OSBPL6: variants seen among roughly 807,000 people sequenced by gnomAD.
OSBPL6 encodes the protein oxysterol binding protein like 6.
OSBPL6 carries 49 observed loss-of-function variants against 125.8 expected under a neutral mutation model. That is an observed-to-expected ratio of 0.39 (90% CI 0.31 to 0.49). The LOEUF is 0.49. OSBPL6 is among the 20% of genes least tolerant of loss of function. OSBPL6 has a pLI of 0.88. For synonymous variants in OSBPL6, 394 were observed against 391.8 expected (o/e 1.01, Z -0.07); for missense variants, 986 against 1,135.4 (o/e 0.87, Z 1.89).
chr2:178,376,843 A>G (rs1443349271), intron 15 of OSBPL6, among the ~76,000 whole-genome samples: 1 of 152,120 alleles, frequency 6.6e-6, no homozygotes, highest in Non-Finnish European at 1.5e-5. Flanking sequence ...CTCACACTGG[A>G]AAGAGCTGAA....
intron 1 of OSBPL6, among the ~76,000 whole-genome samples, chr2:178,239,746 C>T (rs1315605019): frequency 6.6e-6 from 1 of 151,606 alleles, no homozygotes. Context: ...CTGCCTCAGC[C>T]TCCCGAGTAG....
intron 14 of OSBPL6, 128 bp from the exon 15 acceptor site, chr2:178,373,762 G>T (rs1693621853): frequency 8.9e-7 from 1 of 1,126,716 alleles, no homozygotes; most frequent in Admixed American, 2.7e-5. Flanking sequence ...TGAATTGCAA[G>T]TGAAAATTGC....
intron 1 of OSBPL6, among the ~76,000 whole-genome samples, chr2:178,243,856 T>A (rs1049012809): frequency 1.3e-5 from 2 of 152,178 alleles, no homozygotes; most frequent in African/African-American, 4.8e-5. Context: ...TTTCACTATG[T>A]TGGCCAGGCT....
intron 15 of OSBPL6, among the ~76,000 whole-genome samples, chr2:178,376,335 A>T (rs1026296387): frequency 2.0e-5 from 3 of 151,842 alleles, no homozygotes; most frequent in African/African-American, 7.3e-5. Context: ...ATTCACACCA[A>T]ATGCCTGAAG....
chr2:178,399,031 C>T lies in OSBPL6; in HGVS notation c.*3472C>T, dbSNP rs1696012940. On this transcript the variant is annotated 3_prime_UTR_variant, in exon 25 of 25. Transcript: ENST00000190611. ...GTTTGTGGGAGCAGAGCTCTGCACA[C>T]ACCAGGGGATGTAATAAATGTTTGC... The T allele has an allele frequency of 6.6e-6, 1 of 151,772 alleles. No homozygotes were observed. Among genetic ancestry groups the T allele is most frequent in the East Asian group, 1.9e-4 (1 of 5,200 alleles). 9.4% of individuals were successfully genotyped at this position (151,772 alleles called of 1,614,324 possible).
rs1358004773 is a variant in OSBPL6, at chr2:178,310,650, C to T, written c.102+4364C>T. ...GCCAGGATGGTCTCGATCTCCTGAC[C>T]TCATGATCCGCCCACCTCGGCCTCC... On this transcript the variant is annotated intron_variant, in intron 3 of 24. Coordinates refer to ENST00000190611, the MANE Select transcript of OSBPL6 (RefSeq NM_032523.4). Among the ~76,000 whole-genome samples, 14 of 152,136 alleles carry T rather than the reference C, an allele frequency of 9.2e-5. 1 individual carries two copies. Among genetic ancestry groups the T allele is most frequent in the South Asian group, 8.3e-4 (4 of 4,816 alleles).
rs143538070 is a variant in OSBPL6, at chr2:178,387,107, G to A, written c.2124G>A (p.Leu708=). ...TCTGGGGGAAGTCGATGGAAATCCT[G>A]CCTGTTGGAACACTGAATGTCATGC... ...NKFWGKSMEI[L]PVGTLNVMLP... Residue 708 remains leucine (L), a synonymous_variant, in exon 20 of 25, where the codon CTG becomes CTA. Transcript: ENST00000190611. 2 of 1,612,776 alleles carry A rather than the reference G, an allele frequency of 1.2e-6. No individual in the cohort carries two copies. The highest frequency in any genetic ancestry group is 1.7e-5 in the Admixed American group (1 of 59,964).
At chr2:178,362,733 G>A (rs1295502550) in intron 13 of OSBPL6, among the ~76,000 whole-genome samples, 2 of 151,972 alleles carry the variant, frequency 1.3e-5, no homozygotes, top group Admixed American at 6.6e-5. Flanking sequence ...CTGAACTGTC[G>A]GCGTATTTTC....
chr2:178,361,734 G>C lies in OSBPL6; in HGVS notation c.1206G>C (p.Lys402Asn). 1 of 1,614,190 alleles carries C rather than the reference G, an allele frequency of 6.2e-7. No homozygotes were observed. Among genetic ancestry groups the C allele is most frequent in the Non-Finnish European group, 8.5e-7 (1 of 1,180,012 alleles). Residue 402 changes from lysine (K) to asparagine (N), a missense_variant, in exon 13 of 25, where the codon AAG (lysine) becomes AAC (asparagine). Transcript: ENST00000190611. Reference protein sequence around the residue: ...AFNSIAIEKEKLKQMVSEQDH... With the variant: ...AFNSIAIEKENLKQMVSEQDH... ...ATAGCATAGCTATAGAGAAGGAGAA[G>C]CTGAAGCAGATGGTTTCCGAGCAGG...
intron 1 of OSBPL6, among the ~76,000 whole-genome samples, chr2:178,213,509 CCTTTT>C: frequency 6.6e-6 from 1 of 152,172 alleles, no homozygotes; most frequent in Non-Finnish European, 1.5e-5. Flanking sequence ...ATCACCCTGC[CCTTTT>C]TCATGCCTCC....
intron 11 of OSBPL6, among the ~76,000 whole-genome samples, chr2:178,348,486 A>G (rs1690936444): frequency 6.6e-6 from 1 of 152,206 alleles, no homozygotes. Context: ...AACCTAGTCC[A>G]TATCCAGCCT....
chr2:178,366,386 C>T (rs534321318), intron 13 of OSBPL6, among the ~76,000 whole-genome samples: 20 of 152,278 alleles, frequency 1.3e-4, no homozygotes, highest in South Asian at 6.2e-4. Flanking sequence ...TTGTGTTAAA[C>T]GCAGTGAGAG....
At chr2:178,287,462 A>G (rs1684814137) in intron 2 of OSBPL6, among the ~76,000 whole-genome samples, 1 of 152,190 alleles carries the variant, frequency 6.6e-6, no homozygotes, top group Non-Finnish European at 1.5e-5. Flanking sequence ...AGTATTGCCT[A>G]GGATCTCTCA....
intron 1 of OSBPL6, among the ~76,000 whole-genome samples, chr2:178,235,219 C>T (rs13018066): frequency 0.16 from 24,126 of 151,932 alleles, 2,427 homozygotes; most frequent in South Asian, 0.23. Flanking sequence ...GGTCCTGATG[C>T]ATGAATTACT....
At chr2:178,386,997 T>C (rs1005569295) in intron 19 of OSBPL6, 64 bp from the exon 20 acceptor site, 2 of 1,095,584 alleles carry the variant, frequency 1.8e-6, no homozygotes, top group African/African-American at 1.6e-5. Flanking sequence ...CAAAAGTTAG[T>C]TTTTATAGAA....
At chr2:178,281,249 GT>G (rs1684142202) in intron 1 of OSBPL6, among the ~76,000 whole-genome samples, 1 of 152,036 alleles carries the variant, frequency 6.6e-6, no homozygotes, top group African/African-American at 2.4e-5. Context: ...TTGACCTCAG[GT>G]GATCCGCCTG....
chr2:178,380,532 G>T (rs1694375945), intron 15 of OSBPL6, among the ~76,000 whole-genome samples: 1 of 148,824 alleles, frequency 6.7e-6, no homozygotes, highest in African/African-American at 2.5e-5. Flanking sequence ...GATGGATAGT[G>T]TAAAGTGTTT....
At position 178,285,007 on chromosome 2, in the gene OSBPL6, G is replaced by A. The variant is rs1439138408; in HGVS notation, c.-270G>A. The A allele has an allele frequency of 5.0e-6, 2 of 398,404 alleles. No homozygotes were observed. The highest frequency in any genetic ancestry group is 4.1e-5 in the African/African-American group (2 of 48,608). The allele number at this position is 398,404 out of a possible 1,614,324, so 24.7% of individuals were successfully genotyped here. The stretch of plus-strand genomic sequence containing the variant: ...TAATTTACCCAGATAGCCCCAGCAA[G>A]GTCAAAGACATATCATGTCCCAAGG... On this transcript the variant is annotated 5_prime_UTR_variant, in exon 2 of 25. Transcript: ENST00000190611.
At chr2:178,354,050 A>G (rs1005071376) in intron 12 of OSBPL6, among the ~76,000 whole-genome samples, 2 of 152,220 alleles carry the variant, frequency 1.3e-5, no homozygotes, top group Non-Finnish European at 2.9e-5. Context: ...AGATTTTGTC[A>G]ACACCAGGCC....
Sources: gnomAD v4.1 joint callset for allele counts (sites outside exome capture counted in the v4.1 genomes callset) on GRCh38, gnomAD v4.1.1 for gene constraint, MANE v1.5 for transcripts, NCBI Gene and HGNC (gene_info 2026-07-23, HGNC 2026-07-21) for gene names.